THOC5: variants seen among roughly 807,000 people sequenced by gnomAD.
THOC5 encodes Fms-interacting protein.
THOC5 carries 43 observed loss-of-function variants against 92.9 expected under a neutral mutation model. The ratio of observed to expected loss-of-function variants is 0.46; its 90% confidence interval spans 0.36 to 0.60. The LOEUF is 0.60. Ranked by LOEUF, THOC5 falls within the 20% of genes least tolerant of loss-of-function variation. THOC5 has a pLI of 0.00. For synonymous variants in THOC5, 296 were observed against 320.1 expected (o/e 0.92, Z 0.80); for missense variants, 659 against 849.4 (o/e 0.78, Z 2.79).
At chr22:29,537,539 T>C (rs1294765715) in intron 6 of THOC5, among the ~76,000 whole-genome samples, 2 of 151,958 alleles carry the variant, frequency 1.3e-5, no homozygotes, top group African/African-American at 4.8e-5. Flanking sequence ...CTCAGGAGGC[T>C]GAGACAGGAG....
At position 29,519,044 on chromosome 22, in the gene THOC5, T is replaced by C. The variant is rs1157508618; in HGVS notation, c.1451A>G (p.Gln484Arg). Residue 484 changes from glutamine (Q) to arginine (R), a missense_variant, in exon 15 of 20, where the codon CAG becomes CGG. Gln to Arg is a conservative substitution (Grantham distance 43, BLOSUM62 1). Coordinates refer to ENST00000490103, the MANE Select transcript of THOC5 (RefSeq NM_003678.5). ...TTMKLLKTRV[Q>R]SRLALHKQFA... ...CTGTTTGTGGAGGGCCAGGCGGGAC[T>C]GCACCCTGGTCTTCAGAAGTTTCAT... 6.2e-7 allele frequency: 1 copy of C among 1,610,704 alleles called. No individual in the cohort carries two copies. Among genetic ancestry groups the C allele is most frequent in the Non-Finnish European group, 8.5e-7 (1 of 1,178,422 alleles).
chr22:29,518,258 C>T (rs958530263), intron 15 of THOC5, among the ~76,000 whole-genome samples: 1 of 152,088 alleles, frequency 6.6e-6, no homozygotes, highest in African/African-American at 2.4e-5. Flanking sequence ...GTCTTGAACT[C>T]CTGACCTCAA....
chr22:29,552,310 T>A (rs1028007781), intron 1 of THOC5, among the ~76,000 whole-genome samples: 1 of 144,582 alleles, frequency 6.9e-6, no homozygotes, highest in Non-Finnish European at 1.5e-5. Context: ...GAGCACCTCT[T>A]CCCGGACCCC....
rs2072303 is a variant in THOC5, at chr22:29,520,974, G to A, written c.1277+24C>T. 0.021 allele frequency: 32,832 copies of A among 1,577,746 alleles called. 3,721 individuals carry two copies. The East Asian group carries it at 0.38, about 18-fold the overall frequency. ...GAGAAACTCAGAAGTAGAGAGCTCG[G>A]AGAGGAGGAAACTGCTGACTCACCC... On this transcript the variant is annotated intron_variant, in intron 13 of 19. Transcript: ENST00000490103.
Position 29,508,420 on chromosome 22 carries a change from G to A in THOC5, c.*37C>T. 1 of 1,603,016 alleles carries A rather than the reference G, an allele frequency of 6.2e-7. No individual in the cohort carries two copies. Among genetic ancestry groups the A allele is most frequent in the Non-Finnish European group, 8.5e-7 (1 of 1,169,974 alleles). ...AGAAAGCAGAAGCCCAGTGCTCAGGGTGAGGCCTTGGGGGAAACAACGGTC... is the reference window on the plus strand; with the variant it reads ...AGAAAGCAGAAGCCCAGTGCTCAGGATGAGGCCTTGGGGGAAACAACGGTC... On this transcript the variant is annotated 3_prime_UTR_variant, in exon 20 of 20. Coordinates refer to ENST00000490103, the MANE Select transcript of THOC5 (RefSeq NM_003678.5).
chr22:29,545,065 C>T (rs1474147859), intron 2 of THOC5: 1 of 436,158 alleles, frequency 2.3e-6, no homozygotes. Context: ...ACTTACAGTC[C>T]CACATAGCTG....
chr22:29,533,555 A>G (rs1242960748), intron 7 of THOC5, among the ~76,000 whole-genome samples: 1 of 152,246 alleles, frequency 6.6e-6, no homozygotes, highest in East Asian at 1.9e-4. Context: ...CATAAAGGAA[A>G]AGAATAATTA....
intron 17 of THOC5, among the ~76,000 whole-genome samples, chr22:29,514,205 T>G (rs2063286799): frequency 6.6e-6 from 1 of 152,102 alleles, no homozygotes; most frequent in Admixed American, 6.6e-5. Context: ...CGCCTCCACC[T>G]AAAAGTGCTG....
intron 1 of THOC5, among the ~76,000 whole-genome samples, chr22:29,549,694 C>G (rs1395317134): frequency 1.3e-5 from 2 of 152,150 alleles, no homozygotes; most frequent in Non-Finnish European, 2.9e-5. Flanking sequence ...CATAAAGACC[C>G]TTGATGGTTT....
chr22:29,509,087 C>T (rs1484573725), intron 19 of THOC5, among the ~76,000 whole-genome samples: 10 of 151,962 alleles, frequency 6.6e-5, no homozygotes, highest in Non-Finnish European at 1.5e-5. Flanking sequence ...TCACATCTAC[C>T]GGCCATAGAG....
chr22:29,536,519 T>C (rs1451358953), intron 7 of THOC5, 105 bp downstream of exon 7: 2 of 695,978 alleles, frequency 2.9e-6, no homozygotes, highest in Admixed American at 2.2e-5. Flanking sequence ...CCTTATACTA[T>C]ACTCTAATTT....
chr22:29,540,200 A>T (rs1374974726), intron 5 of THOC5, among the ~76,000 whole-genome samples: 1 of 152,180 alleles, frequency 6.6e-6, no homozygotes, highest in African/African-American at 2.4e-5. Flanking sequence ...CGAACCCAGG[A>T]GGCAGAGGTT....
chr22:29,511,162 G>C lies in THOC5; in HGVS notation c.1932C>G (p.Asp644Glu). The stretch of plus-strand genomic sequence containing the variant: ...GAAATTCCTTGGGCCCCTCCACACT[G>C]TCGTCATGGCTCTCGGTCTCCAGGT... ...DVYLETESHD[D>E]SVEGPKEFPQ... The change falls in exon 19 of 20, where the codon GAC (aspartate) becomes GAG (glutamate). Residue 644 changes from aspartate (D) to glutamate (E), a missense_variant. Asp to Glu is a conservative substitution (Grantham distance 45, BLOSUM62 2). Transcript: ENST00000490103. 1 of 1,614,226 alleles carries C rather than the reference G, an allele frequency of 6.2e-7. No individual in the cohort carries two copies. Among genetic ancestry groups the C allele is most frequent in the Non-Finnish European group, 8.5e-7 (1 of 1,180,050 alleles).
chr22:29,545,519 C>T (rs2063998385), intron 2 of THOC5, among the ~76,000 whole-genome samples: 1 of 152,234 alleles, frequency 6.6e-6, no homozygotes, highest in African/African-American at 2.4e-5. Context: ...CTAGTTACTT[C>T]GTAGATACAG....
intron 17 of THOC5, among the ~76,000 whole-genome samples, chr22:29,515,733 A>G (rs1247225061): frequency 3.3e-5 from 5 of 151,442 alleles, no homozygotes; most frequent in African/African-American, 1.2e-4. Context: ...CAAGAGGCTG[A>G]GGTAGGGAAA....
At chr22:29,511,379 G>A (rs940393752) in intron 18 of THOC5, 83 bp from the exon 19 acceptor site, 86 of 1,488,930 alleles carry the variant, frequency 5.8e-5, no homozygotes, top group Non-Finnish European at 1.4e-5. Flanking sequence ...TCCCTGGATG[G>A]GCCCGAGCGC....
In THOC5 at chr22:29,553,752, G is replaced by C. The variant is rs1172435457; in HGVS notation, c.-93C>G. On this transcript the variant is annotated 5_prime_UTR_variant, in exon 1 of 20. Coordinates refer to ENST00000490103, the MANE Select transcript of THOC5 (RefSeq NM_003678.5). ...GCTTGCCCGCGCACCATAGAGAACC[G>C]GAAGTAAGGAAGGGGCGGCCGACCG... 6.6e-6 allele frequency: 1 copy of C among 152,440 alleles called. No homozygotes were observed. The highest frequency in any genetic ancestry group is 1.5e-5 in the Non-Finnish European group (1 of 68,104). 9.4% of individuals were successfully genotyped at this position (152,440 alleles called of 1,614,324 possible). A position where few individuals can be genotyped will look rare whatever the true frequency, so the allele number is the denominator to read the frequency against.
chr22:29,524,688 C>T (rs2063508877), intron 12 of THOC5, among the ~76,000 whole-genome samples: 1 of 152,176 alleles, frequency 6.6e-6, no homozygotes, highest in South Asian at 2.1e-4. Flanking sequence ...CAGAGCACCC[C>T]TGGGGGTGTC....
intron 5 of THOC5, among the ~76,000 whole-genome samples, chr22:29,541,869 A>G (rs1340121451): frequency 6.6e-5 from 4 of 60,154 alleles, no homozygotes; most frequent in South Asian, 1.2e-3. Flanking sequence ...TCCAAAAAAA[A>G]AAAAAAAAAA....
Sources: gnomAD v4.1 joint callset for allele counts (sites outside exome capture counted in the v4.1 genomes callset) on GRCh38, gnomAD v4.1.1 for gene constraint, MANE v1.5 for transcripts, NCBI Gene and HGNC (gene_info 2026-07-23, HGNC 2026-07-21) for gene names.